Variants in PMFBP1 observed in about 807,000 individuals in gnomAD.
The protein encoded by PMFBP1 is polyamine-modulated factor 1-binding protein 1.
PMFBP1 carries 131 observed loss-of-function variants against 137.8 expected under a neutral mutation model. The observed-to-expected ratio is 0.95, with a 90% CI of 0.82 to 1.10. The LOEUF is 1.10. Ranked by LOEUF, PMFBP1 falls within the 50% of genes least tolerant of loss-of-function variation. PMFBP1 has a pLI of 0.00. For missense variants in PMFBP1, 1,199 were observed against 1,175.4 expected (o/e 1.02, Z -0.29); for synonymous variants, 490 against 450.4 (o/e 1.09, Z -1.11).
intron 9 of PMFBP1, among the ~76,000 whole-genome samples, chr16:72,134,489 G>C (rs999238296): frequency 6.6e-6 from 1 of 152,174 alleles, no homozygotes; most frequent in Non-Finnish European, 1.5e-5. Flanking sequence ...CAGCTAGAGA[G>C]GGGGATCTTA....
rs567456287 is a variant in PMFBP1, at chr16:72,128,975, C to G, written c.1950+91G>C. On this transcript the variant is annotated intron_variant, in intron 13 of 20. Transcript: ENST00000237353. ...CCTCCCGTCTTTCCTAAGCTCTGAG[C>G]ATCCAGGGCCTCCGCATCCCTGGAG... 287 of 1,532,932 alleles carry G rather than the reference C, an allele frequency of 1.9e-4. 2 individuals are homozygous for G. In the Middle Eastern group the frequency reaches 7.4e-3, roughly 40 times the overall value. The allele number at this position is 1,532,932 out of a possible 1,614,324, so 95.0% of individuals were successfully genotyped here.
At position 72,124,936 on chromosome 16, in the gene PMFBP1, T is replaced by C. The variant is rs1316789463; in HGVS notation, c.2422-2A>G. The C allele has an allele frequency of 1.2e-6, 2 of 1,613,004 alleles. No individual in the cohort carries two copies. The highest frequency in any genetic ancestry group is 2.7e-5 in the African/African-American group (2 of 74,868). ...TAGCTTCTTGTCAAAGGCGTGCACC[T>C]ACTCAGGAGAGCAAAGTGAGGAGGG... is the stretch of plus-strand genomic sequence containing the variant. On this transcript the variant is annotated splice_acceptor_variant, in intron 16 of 20. Coordinates refer to ENST00000237353, the MANE Select transcript of PMFBP1 (RefSeq NM_031293.3). LOFTEE classifies it high-confidence loss of function.
At chr16:72,183,891 A>T in the PMFBP1 span, among the ~76,000 whole-genome samples, 1 of 151,688 alleles carries the variant, frequency 6.6e-6, no homozygotes, top group South Asian at 2.1e-4. Context: ...TCACCTTGTC[A>T]CCCCTACCCT....
At chr16:72,128,295 C>G in intron 14 of PMFBP1, 2 of 1,015,854 alleles carry the variant, frequency 2.0e-6, no homozygotes, top group Non-Finnish European at 2.6e-6. Flanking sequence ...AACTGTCCCC[C>G]CTTTCATCTC....
intron 2 of PMFBP1, among the ~76,000 whole-genome samples, chr16:72,170,131 C>A (rs1567644303): frequency 6.6e-6 from 1 of 151,784 alleles, no homozygotes; most frequent in Admixed American, 6.6e-5. Context: ...CTGCTTTATT[C>A]CCAGCTCCTA....
At chr16:72,231,631 T>C in the PMFBP1 span, among the ~76,000 whole-genome samples, 1 of 152,316 alleles carries the variant, frequency 6.6e-6, no homozygotes, top group South Asian at 2.1e-4. Context: ...TATGGACTAA[T>C]ATTTTTGTAA....
At chr16:72,226,707 A>G in the PMFBP1 span, among the ~76,000 whole-genome samples, 10 of 152,192 alleles carry the variant, frequency 6.6e-5, no homozygotes, top group African/African-American at 2.4e-4. Flanking sequence ...TTGAAATGAT[A>G]AAACAAACAA....
the PMFBP1 span, among the ~76,000 whole-genome samples, chr16:72,216,475 T>A: frequency 6.6e-6 from 1 of 152,090 alleles, no homozygotes. Flanking sequence ...AACCAGAACA[T>A]GCAGCAGTAA....
the PMFBP1 span, among the ~76,000 whole-genome samples, chr16:72,193,259 G>GCA: frequency 6.6e-6 from 1 of 152,104 alleles, no homozygotes; most frequent in East Asian, 1.9e-4. Context: ...GTGTAGTGGT[G>GCA]CACACCTGTA....
chr16:72,144,749 A>C (rs991738520), intron 5 of PMFBP1, among the ~76,000 whole-genome samples: 14 of 152,046 alleles, frequency 9.2e-5, no homozygotes, highest in African/African-American at 3.4e-4. Flanking sequence ...TTTATAAAGG[A>C]CTGACAGATT....
At chr16:72,182,495 CAA>C in the PMFBP1 span, among the ~76,000 whole-genome samples, 111 of 74,026 alleles carry the variant, frequency 1.5e-3, 1 homozygote, top group South Asian at 3.3e-3. Context: ...AACTCTGCCT[CAA>C]AAAAAAAAAA....
chr16:72,224,561 C>T, the PMFBP1 span: 1 of 152,632 alleles, frequency 6.6e-6, no homozygotes, highest in Non-Finnish European at 1.5e-5. Context: ...ACACCCTATA[C>T]TTTCCCACGC....
the PMFBP1 span, among the ~76,000 whole-genome samples, chr16:72,232,973 T>C: frequency 6.6e-5 from 10 of 152,120 alleles, no homozygotes; most frequent in African/African-American, 1.4e-4. Flanking sequence ...GATATTGATA[T>C]ACAGATGAGA....
intron 7 of PMFBP1, 96 bp from the exon 8 acceptor site, chr16:72,136,915 A>T (rs1201418660): frequency 1.3e-6 from 2 of 1,529,336 alleles, no homozygotes; most frequent in Non-Finnish European, 1.8e-6. Context: ...GTAAGTAGGG[A>T]CAAAGTAGCA....
In PMFBP1 at chr16:72,130,368, A is replaced by C; in HGVS notation, c.1638-11T>G. On this transcript the variant is annotated splice_polypyrimidine_tract_variant and intron_variant, in intron 11 of 20. Transcript: ENST00000237353. ...TCCTCCACCCGTTTTCTAAAGCAAA[A>C]TAACAGCCACAGGAGGACAGACTTC... 6.2e-7 allele frequency: 1 copy of C among 1,614,168 alleles called. No homozygotes were observed.
At chr16:72,198,900 T>C in the PMFBP1 span, among the ~76,000 whole-genome samples, 2 of 146,308 alleles carry the variant, frequency 1.4e-5, no homozygotes, top group African/African-American at 5.1e-5. Flanking sequence ...GCTTATCAGC[T>C]TCTATGAAGG....
In PMFBP1 at chr16:72,140,266, G is replaced by C. The variant is rs978255261; in HGVS notation, c.807+146C>G. Reference sequence around the variant, plus strand: ...GAAGAAGCATTACCATGGAGAATATGAACAAAGTTGGGGGGCAAGTATATA... The same window carrying C: ...GAAGAAGCATTACCATGGAGAATATCAACAAAGTTGGGGGGCAAGTATATA... On this transcript the variant is annotated intron_variant, in intron 6 of 20. Coordinates refer to ENST00000237353, the MANE Select transcript of PMFBP1 (RefSeq NM_031293.3). The C allele has an allele frequency of 6.0e-5, 49 of 814,932 alleles. No homozygotes were observed. In the East Asian group the frequency reaches 1.2e-3, roughly 19 times the overall value. 50.5% of individuals were successfully genotyped at this position (814,932 alleles called of 1,614,324 possible). A position where few individuals can be genotyped will look rare whatever the true frequency, so the allele number is the denominator to read the frequency against.
rs771607277 is a variant in PMFBP1 at position 72,136,475 on chromosome 16, G to C, written c.1176C>G (p.Thr392=). ...TGTCTTTCTTCAAAGTGAGCTTTTG[G>C]GTCTCGGTGAACTCCAGCTGCAGCT... The part of the protein sequence containing the change: ...LQELQLEFTE[T]QKLTLKKDKF... Residue 392 remains threonine, a synonymous_variant, in exon 9 of 21, where the codon ACC becomes ACG. Coordinates refer to ENST00000237353, the MANE Select transcript of PMFBP1 (RefSeq NM_031293.3). The C allele has an allele frequency of 1.9e-6, 3 of 1,613,842 alleles. No homozygotes were observed. The highest frequency in any genetic ancestry group is 1.7e-6 in the Non-Finnish European group (2 of 1,179,902).
the PMFBP1 span, among the ~76,000 whole-genome samples, chr16:72,212,966 C>T: frequency 1.3e-5 from 2 of 152,302 alleles, no homozygotes; most frequent in African/African-American, 2.4e-5. Flanking sequence ...TTATATCTGT[C>T]CAAATGTTAG....
Sources: gnomAD v4.1 joint callset for allele counts (sites outside exome capture counted in the v4.1 genomes callset) on GRCh38, gnomAD v4.1.1 for gene constraint, MANE v1.5 for transcripts, NCBI Gene and HGNC (gene_info 2026-07-23, HGNC 2026-07-21) for gene names.